The following ADAMTS9 variants were observed in gnomAD, a reference collection of about 807,000 sequenced individuals.
The protein encoded by ADAMTS9 is ADAM metallopeptidase with thrombospondin type 1 motif 9, also known as A disintegrin and metalloproteinase with thrombospondin motifs 9.
A neutral mutation model predicts 257.1 loss-of-function variants in ADAMTS9; 107 were observed. That is an observed-to-expected ratio of 0.42 (90% confidence interval 0.36 to 0.49). The LOEUF (loss-of-function observed/expected upper bound fraction) is 0.49, where lower values mean the gene tolerates loss of function less well. Ranked by LOEUF, ADAMTS9 falls within the 20% of genes least tolerant of loss-of-function variation. The probability of loss-of-function intolerance (pLI) is 0.03; values close to 1 mark genes in which losing one functional copy is unlikely to be tolerated. For missense variants in ADAMTS9, 2,353 were observed against 2,469.1 expected (o/e 0.95, Z 1.00); for synonymous variants, 982 against 880.9 (o/e 1.11, Z -2.03).
rs1265666493 is a variant in ADAMTS9, at chr3:64,686,933, C to G, written c.151G>C (p.Val51Leu). Reference protein sequence around the residue: ...LLETLSEYEIVSPIRVNALGE... With the variant: ...LLETLSEYEILSPIRVNALGE... ...AGAGCGTTCACTCGGATGGGAGACACGATTTCGTATTCGCTCAGGGTCTCT... is the reference window on the plus strand; with the variant it reads ...AGAGCGTTCACTCGGATGGGAGACAGGATTTCGTATTCGCTCAGGGTCTCT... The change falls in exon 2 of 40, where the codon GTG (valine) becomes CTG (leucine). Residue 51 changes from valine to leucine, a missense_variant. By Grantham distance (32) the Val-to-Leu change is conservative. Transcript: ENST00000498707. The surrounding 1 kb of genome is among the most constrained non-coding windows in gnomAD (Gnocchi z 4.6). 1 of 1,614,152 alleles carries G rather than the reference C, an allele frequency of 6.2e-7. No individual in the cohort carries two copies. The highest frequency in any genetic ancestry group is 8.5e-7 in the Non-Finnish European group (1 of 1,180,026).
chr3:64,686,837 A>G lies in ADAMTS9; in HGVS notation c.247T>C (p.Trp83Arg), dbSNP rs750107470. Reference sequence around the variant, plus strand: ...GAAGAGGAGGAGGCGAAGGCAGGCCAGGGGTCAGTGGCAGAGTTAATGCTC... The same window carrying G: ...GAAGAGGAGGAGGCGAAGGCAGGCCGGGGGTCAGTGGCAGAGTTAATGCTC... Reference protein sequence around the residue: ...RRSINSATDPWPAFASSSSSS... With the variant: ...RRSINSATDPRPAFASSSSSS... The change falls in exon 2 of 40, where the codon TGG becomes CGG. Residue 83 changes from tryptophan (W) to arginine (R), a missense_variant. By Grantham distance (101) the Trp-to-Arg change is moderately radical. Transcript: ENST00000498707. This position sits in a 1 kb window ranked among gnomAD's most constrained non-coding sequence, Gnocchi z 4.6. The G allele has an allele frequency of 3.1e-6, 5 of 1,614,044 alleles. No individual in the cohort carries two copies. The African/African-American group carries it at 6.7e-5, about 22-fold the overall frequency.
At position 64,687,458 on chromosome 3, in the gene ADAMTS9, C is replaced by A; in HGVS notation, c.115+85G>T. 1 of 1,114,456 alleles carries A rather than the reference C, an allele frequency of 9.0e-7. No individual in the cohort carries two copies. Among genetic ancestry groups the A allele is most frequent in the Non-Finnish European group, 1.2e-6 (1 of 805,304 alleles). 69.0% of individuals were successfully genotyped at this position (1,114,456 alleles called of 1,614,324 possible). A position where few individuals can be genotyped will look rare whatever the true frequency, so the allele number is the denominator to read the frequency against. ...CTTTCTAGGAAAAGGAGAGAAGCCT[C>A]CGCTGCGGGGTGCCCCTGCCCAGGA... On this transcript the variant is annotated intron_variant, in intron 1 of 39. Coordinates refer to ENST00000498707, the MANE Select transcript of ADAMTS9 (RefSeq NM_182920.2). This position sits in a 1 kb window ranked among gnomAD's most constrained non-coding sequence, Gnocchi z 4.4.
At chr3:64,572,102 A>G (rs1390275444) in intron 28 of ADAMTS9, among the ~76,000 whole-genome samples, 1 of 152,154 alleles carries the variant, frequency 6.6e-6, no homozygotes, top group Non-Finnish European at 1.5e-5. Context: ...TTCTTGGGAA[A>G]CAACCCAACT....
At chr3:64,555,265 G>A (rs988495404) in intron 30 of ADAMTS9, among the ~76,000 whole-genome samples, 7 of 152,190 alleles carry the variant, frequency 4.6e-5, no homozygotes, top group Non-Finnish European at 8.8e-5. Context: ...TTAAAGTCAG[G>A]TATACAGAAT....
At chr3:64,555,069 T>C (rs780828245) in intron 30 of ADAMTS9, among the ~76,000 whole-genome samples, 11 of 152,208 alleles carry the variant, frequency 7.2e-5, no homozygotes, top group Non-Finnish European at 1.2e-4. Context: ...ATTTTCTCCA[T>C]GGATGAAAGA....
chr3:64,637,516 T>C (rs1168557822), intron 12 of ADAMTS9, among the ~76,000 whole-genome samples: 1 of 152,220 alleles, frequency 6.6e-6, no homozygotes, highest in Admixed American at 6.5e-5. Flanking sequence ...TTCAAGATGA[T>C]GCATGACCAA....
intron 12 of ADAMTS9, among the ~76,000 whole-genome samples, chr3:64,638,993 A>T (rs1358539016): frequency 1.3e-5 from 2 of 152,148 alleles, no homozygotes; most frequent in Non-Finnish European, 2.9e-5. Flanking sequence ...ATTCCCAGTG[A>T]GGGGGGCAGC....
intron 28 of ADAMTS9, chr3:64,586,869 G>A (rs2084167636): frequency 6.6e-6 from 1 of 152,120 alleles, no homozygotes; most frequent in Admixed American, 6.6e-5. Context: ...CAATGAATAT[G>A]AAAAGCTGCC....
At position 64,633,556 on chromosome 3, in the gene ADAMTS9, G is replaced by C; in HGVS notation, c.2091C>G (p.Ala697=). ...KLFCRVAGNT[A]YYQLRDRVID... is the part of the protein sequence containing the mutation. ...TCACTCTGTCTCGAAGCTGATAGTA[G>C]GCTGTGTTCCCTGCCACTCTGCAGA... The change falls in exon 14 of 40, where the codon GCC becomes GCG. Residue 697 remains alanine, a synonymous_variant. Transcript: ENST00000498707. 6.2e-7 allele frequency: 1 copy of C among 1,614,088 alleles called. No individual in the cohort carries two copies. The highest frequency in any genetic ancestry group is 8.5e-7 in the Non-Finnish European group (1 of 1,180,012).
chr3:64,599,698 T>C (rs1482746285), intron 26 of ADAMTS9, among the ~76,000 whole-genome samples: 1 of 152,200 alleles, frequency 6.6e-6, no homozygotes, highest in Non-Finnish European at 1.5e-5. Flanking sequence ...AGAAACTCTC[T>C]AAAGAAATTA....
chr3:64,650,056 T>C (rs766890152), intron 9 of ADAMTS9: 34 of 318,454 alleles, frequency 1.1e-4, no homozygotes, highest in Non-Finnish European at 1.7e-4. Flanking sequence ...TCTGTTTATG[T>C]TTGACTATCT....
At chr3:64,666,861 T>A (rs1173019340) in intron 3 of ADAMTS9, among the ~76,000 whole-genome samples, 1 of 152,168 alleles carries the variant, frequency 6.6e-6, no homozygotes, top group East Asian at 1.9e-4. Context: ...TTAGAAAGAA[T>A]CTTTGATGGG....
intron 11 of ADAMTS9, among the ~76,000 whole-genome samples, chr3:64,643,171 A>ACGT (rs942461503): frequency 6.6e-6 from 1 of 152,130 alleles, no homozygotes; most frequent in African/African-American, 2.4e-5. Flanking sequence ...AGTGGGGACT[A>ACGT]CGTCGCTCTC....
At chr3:64,576,656 G>A (rs982043994) in intron 28 of ADAMTS9, among the ~76,000 whole-genome samples, 2 of 152,182 alleles carry the variant, frequency 1.3e-5, no homozygotes, top group South Asian at 2.1e-4. Context: ...GAGATTGGCA[G>A]GGAACACCAA....
At chr3:64,546,488 T>C (rs1367464364) in intron 32 of ADAMTS9, among the ~76,000 whole-genome samples, 2 of 152,232 alleles carry the variant, frequency 1.3e-5, no homozygotes, top group Non-Finnish European at 2.9e-5. Flanking sequence ...ACAAAGGTTA[T>C]GCAACTTGCC....
At chr3:64,660,140 C>T (rs1701188376) in intron 3 of ADAMTS9, among the ~76,000 whole-genome samples, 1 of 152,150 alleles carries the variant, frequency 6.6e-6, no homozygotes, top group African/African-American at 2.4e-5. Context: ...CATAAATGTG[C>T]TTTAATGCTT....
rs777872279 is a variant in ADAMTS9, at chr3:64,546,875, A to G, written c.4947T>C (p.Tyr1649=). 11 of 1,614,028 alleles carry G rather than the reference A, an allele frequency of 6.8e-6. No homozygotes were observed. The highest frequency in any genetic ancestry group is 5.0e-5 in the Admixed American group (3 of 60,002). ...TGATGGTGGTTTGGTAGCTGTATTC[A>G]TAATTCTCCTTCCCGGTGTAAATCT... ...CSEIYTGKEN[Y]EYSYQTTINC... Residue 1649 remains tyrosine, a synonymous_variant, in exon 32 of 40, where the codon TAT becomes TAC. Coordinates refer to ENST00000498707, the MANE Select transcript of ADAMTS9 (RefSeq NM_182920.2).
At chr3:64,551,494 C>G (rs1434955384) in intron 30 of ADAMTS9, among the ~76,000 whole-genome samples, 2 of 152,192 alleles carry the variant, frequency 1.3e-5, no homozygotes, top group East Asian at 3.9e-4. Context: ...CAGGCGTGAG[C>G]CACCACTCCC....
intron 32 of ADAMTS9, among the ~76,000 whole-genome samples, chr3:64,542,591 C>A (rs1178031769): frequency 3.6e-4 from 55 of 151,988 alleles, no homozygotes; most frequent in Admixed American, 3.5e-3. Flanking sequence ...CCTCGCCCAA[C>A]AAATTTTTGT....
Sources: allele counts gnomAD v4.1 joint callset (sites outside exome capture counted in the v4.1 genomes callset), GRCh38; gene constraint gnomAD v4.1.1; non-coding constraint Gnocchi (gnomAD v3.1); transcripts MANE v1.5; gene names NCBI Gene and HGNC (gene_info 2026-07-23, HGNC 2026-07-21).